Variants in IQCM observed in about 807,000 individuals in gnomAD.
The protein encoded by IQCM is IQ motif containing M, also known as IQ domain-containing protein M.
In IQCM, 45 loss-of-function variants were observed where a neutral mutation model predicts 57.6. The observed-to-expected ratio is 0.78, with a 90% CI of 0.62 to 1.00. The LOEUF (loss-of-function observed/expected upper bound fraction) is 1.00, where lower values mean the gene tolerates loss of function less well. Ranked by LOEUF, IQCM falls within the 50% of genes least tolerant of loss-of-function variation. The pLI, the probability that IQCM is intolerant of heterozygous loss-of-function variation, is 0.00. For synonymous variants in IQCM, 148 were observed against 158.9 expected, an observed-to-expected ratio of 0.93 and a Z score of 0.51; for missense variants, 468 against 511.6, an observed-to-expected ratio of 0.91 and a Z score of 0.82.
chr4:149,487,175 T>C (rs530361543), intron 12 of IQCM, among the ~76,000 whole-genome samples: 2 of 152,186 alleles, frequency 1.3e-5, no homozygotes, highest in African/African-American at 4.8e-5. Context: ...GATCCTTCCC[T>C]TCAAGGCAGC....
chr4:149,675,168 C>G (rs1031685728), intron 7 of IQCM, among the ~76,000 whole-genome samples: 3 of 151,922 alleles, frequency 2.0e-5, no homozygotes, highest in African/African-American at 7.3e-5. Flanking sequence ...TCACCAAAAA[C>G]TATGAAAAGA....
intron 7 of IQCM, among the ~76,000 whole-genome samples, chr4:149,669,490 A>C (rs1285261492): frequency 6.6e-6 from 1 of 152,014 alleles, no homozygotes; most frequent in Non-Finnish European, 1.5e-5. Context: ...ATTAGATCCC[A>C]TTTGTCAATT....
intron 12 of IQCM, among the ~76,000 whole-genome samples, chr4:149,544,251 C>T (rs868166480): frequency 4.6e-5 from 7 of 152,022 alleles, no homozygotes; most frequent in Admixed American, 6.6e-5. Flanking sequence ...AAATCAGTTG[C>T]ATTTCTCTAC....
At chr4:149,390,559 G>A (rs910524738) in intron 13 of IQCM, among the ~76,000 whole-genome samples, 4 of 151,562 alleles carry the variant, frequency 2.6e-5, no homozygotes, top group Non-Finnish European at 4.4e-5. Context: ...GTTAACTATG[G>A]GATTTTCATA....
chr4:149,401,456 C>T (rs911248603), intron 13 of IQCM, among the ~76,000 whole-genome samples: 8 of 151,570 alleles, frequency 5.3e-5, no homozygotes, highest in African/African-American at 1.7e-4. Context: ...TCAGAATTTC[C>T]CTGATATTTG....
chr4:149,707,463 G>A (rs965868964), intron 5 of IQCM, among the ~76,000 whole-genome samples: 1 of 151,922 alleles, frequency 6.6e-6, no homozygotes, highest in Non-Finnish European at 1.5e-5. Flanking sequence ...GGTCTGCCAC[G>A]AATGTGAGGC....
Position 149,791,853 on chromosome 4 carries a change from G to T in IQCM, c.-49+23458C>A, listed in dbSNP as rs113286308. Among the ~76,000 whole-genome samples, 1,164 of 152,196 alleles carry T rather than the reference G, an allele frequency of 7.6e-3. 22 individuals carry two copies. The highest frequency in any genetic ancestry group is 0.027 in the African/African-American group (1,103 of 41,532). On this transcript the variant is annotated intron_variant, in intron 2 of 13. Transcript: ENST00000636793. ...ATTATTGCAAACAGTACATATTTAA[G>T]CTATCACATTGGAATGCTAAATCTT...
At chr4:149,747,651 T>C (rs537971289) in intron 2 of IQCM, among the ~76,000 whole-genome samples, 1 of 152,274 alleles carries the variant, frequency 6.6e-6, no homozygotes, top group East Asian at 1.9e-4. Context: ...ATTACATAAT[T>C]AAACTATAAT....
At chr4:149,679,250 G>C (rs1271751706) in intron 7 of IQCM, among the ~76,000 whole-genome samples, 1 of 151,574 alleles carries the variant, frequency 6.6e-6, no homozygotes. Flanking sequence ...GGAACTAGAG[G>C]TTGTTAAGTG....
At chr4:149,537,739 G>T (rs947713496) in intron 12 of IQCM, among the ~76,000 whole-genome samples, 2 of 151,764 alleles carry the variant, frequency 1.3e-5, no homozygotes, top group Non-Finnish European at 2.9e-5. Context: ...TCATACACAA[G>T]ATAACAAAAA....
intron 13 of IQCM, among the ~76,000 whole-genome samples, chr4:149,405,607 G>C (rs1385754559): frequency 6.6e-6 from 1 of 151,368 alleles, no homozygotes; most frequent in East Asian, 1.9e-4. Flanking sequence ...TAAAGAAAGG[G>C]ATAGAAAATA....
intron 2 of IQCM, among the ~76,000 whole-genome samples, chr4:149,810,682 C>A (rs1392040741): frequency 6.6e-6 from 1 of 151,974 alleles, no homozygotes; most frequent in Admixed American, 6.6e-5. Flanking sequence ...AAACCCCTAA[C>A]CTCGTGATCT....
intron 2 of IQCM, among the ~76,000 whole-genome samples, chr4:149,760,325 T>C (rs2149960744): frequency 6.6e-6 from 1 of 152,098 alleles, no homozygotes; most frequent in East Asian, 1.9e-4. Context: ...TTCAAGTATT[T>C]TCTTTCTAAG....
At chr4:149,569,257 G>T (rs971906736) in intron 9 of IQCM, among the ~76,000 whole-genome samples, 7 of 152,224 alleles carry the variant, frequency 4.6e-5, no homozygotes, top group African/African-American at 1.7e-4. Flanking sequence ...CATATACTTA[G>T]GTTTATACTC....
intron 13 of IQCM, among the ~76,000 whole-genome samples, chr4:149,426,539 G>T (rs1052573817): frequency 2.0e-5 from 3 of 151,890 alleles, no homozygotes; most frequent in Non-Finnish European, 2.9e-5. Context: ...GGTGGTTCAG[G>T]CTCAGGGGCT....
chr4:149,800,395 A>G (rs914547891), intron 2 of IQCM, among the ~76,000 whole-genome samples: 6 of 151,924 alleles, frequency 3.9e-5, no homozygotes, highest in Non-Finnish European at 8.8e-5. Context: ...AGAATCATAC[A>G]GAGTGGGGAA....
chr4:149,427,029 T>C (rs1412914819), intron 13 of IQCM, among the ~76,000 whole-genome samples: 1 of 151,922 alleles, frequency 6.6e-6, no homozygotes, highest in Non-Finnish European at 1.5e-5. Context: ...TTCAGATTTG[T>C]GGGTTTTATT....
intron 13 of IQCM, among the ~76,000 whole-genome samples, chr4:149,366,526 C>A (rs1729856064): frequency 6.6e-6 from 1 of 151,792 alleles, no homozygotes; most frequent in Admixed American, 6.6e-5. Context: ...GATGAATTCC[C>A]AGACATTAGT....
intron 12 of IQCM, among the ~76,000 whole-genome samples, chr4:149,498,562 G>T (rs1396181483): frequency 1.3e-5 from 2 of 152,142 alleles, no homozygotes; most frequent in Non-Finnish European, 2.9e-5. Flanking sequence ...GAGCAGGGCA[G>T]GAACTAAGAG....
Sources: allele counts gnomAD v4.1 joint callset (sites outside exome capture counted in the v4.1 genomes callset), GRCh38; gene constraint gnomAD v4.1.1; transcripts MANE v1.5; gene names NCBI Gene and HGNC (gene_info 2026-07-23, HGNC 2026-07-21).